Variants in GBF1 observed in about 807,000 individuals in gnomAD.
The protein encoded by GBF1 is golgi brefeldin A resistant guanine nucleotide exchange factor 1.
Under a neutral mutation model 210.5 loss-of-function variants are expected in GBF1, and 114 were observed. That is an observed-to-expected ratio of 0.54 (90% confidence interval 0.47 to 0.63). GBF1 has a LOEUF of 0.63. Ranked by LOEUF, GBF1 falls within the 30% of genes least tolerant of loss-of-function variation. The pLI is 0.00. For synonymous variants in GBF1, 850 were observed against 889.2 expected (o/e 0.96, Z 0.78); for missense variants, 1,851 against 2,357.7 (o/e 0.79, Z 4.45).
chr10:102,254,053 C>G (rs1338584152), intron 1 of GBF1, among the ~76,000 whole-genome samples: 1 of 152,074 alleles, frequency 6.6e-6, no homozygotes, highest in Non-Finnish European at 1.5e-5. Flanking sequence ...GATATTACTC[C>G]TTTATATTAG....
At chr10:102,302,550 A>G (rs2077478650) in intron 3 of GBF1, among the ~76,000 whole-genome samples, 1 of 152,246 alleles carries the variant, frequency 6.6e-6, no homozygotes, top group Non-Finnish European at 1.5e-5. Flanking sequence ...TCCTGAGATT[A>G]TCCTAAAATT....
intron 3 of GBF1, among the ~76,000 whole-genome samples, chr10:102,271,972 T>G (rs897395829): frequency 3.3e-5 from 5 of 151,922 alleles, no homozygotes; most frequent in African/African-American, 1.2e-4. Context: ...AGGCCTGTCT[T>G]GAACTCCTGA....
intron 3 of GBF1, among the ~76,000 whole-genome samples, chr10:102,341,032 T>G (rs1043477828): frequency 3.3e-5 from 5 of 152,180 alleles, no homozygotes; most frequent in Non-Finnish European, 5.9e-5. Flanking sequence ...AGCTTAAGAC[T>G]GGGAGAAAAT....
intron 3 of GBF1, among the ~76,000 whole-genome samples, chr10:102,312,261 C>T (rs1334920493): frequency 2.0e-5 from 3 of 151,494 alleles, no homozygotes; most frequent in Non-Finnish European, 4.4e-5. Context: ...CCATTGCACT[C>T]CAGCCTGGGC....
chr10:102,344,786 G>A (rs937052348), intron 4 of GBF1, among the ~76,000 whole-genome samples: 5 of 151,930 alleles, frequency 3.3e-5, no homozygotes, highest in African/African-American at 1.2e-4. Flanking sequence ...GGCCTGGTTA[G>A]GTTTATTTTT....
intron 3 of GBF1, among the ~76,000 whole-genome samples, chr10:102,285,563 A>G (rs1156997844): frequency 6.6e-6 from 1 of 152,070 alleles, no homozygotes; most frequent in African/African-American, 2.4e-5. Flanking sequence ...TTGAGTTCCT[A>G]AGTGTTCTCT....
intron 3 of GBF1, among the ~76,000 whole-genome samples, chr10:102,266,787 T>C (rs916155342): frequency 1.3e-5 from 2 of 152,240 alleles, no homozygotes; most frequent in Non-Finnish European, 1.5e-5. Flanking sequence ...ATAGGATATT[T>C]CTTTACAGAG....
chr10:102,246,566 T>G (rs964920371), intron 1 of GBF1, among the ~76,000 whole-genome samples: 2 of 152,234 alleles, frequency 1.3e-5, no homozygotes, highest in African/African-American at 4.8e-5. Flanking sequence ...CAGAGAGAGA[T>G]ATTTGAATAC....
chr10:102,258,774 C>CAAAAAAAAAAAA (rs74634439), intron 1 of GBF1, among the ~76,000 whole-genome samples, 155 bp from the exon 2 acceptor site: 7 of 79,606 alleles, frequency 8.8e-5, no homozygotes, highest in Admixed American at 1.2e-4. Flanking sequence ...AACTCTGCCT[C>CAAAAAAAAAAAA]AAAAAAAAAA....
chr10:102,231,763 G>A, the GBF1 span: 167 of 1,606,574 alleles, frequency 1.0e-4, 1 homozygote, highest in Non-Finnish European at 2.2e-5. Flanking sequence ...GGAGCCGCCG[G>A]GCAGCGAAGC....
intron 3 of GBF1, among the ~76,000 whole-genome samples, chr10:102,302,814 G>A (rs982064953): frequency 6.6e-6 from 1 of 152,066 alleles, no homozygotes; most frequent in Non-Finnish European, 1.5e-5. Context: ...ATCAAAGCCA[G>A]GAGGGATGCT....
chr10:102,352,661 G>A (rs970132727), intron 7 of GBF1, 143 bp downstream of exon 7: 5 of 663,870 alleles, frequency 7.5e-6, no homozygotes, highest in East Asian at 2.7e-5. Context: ...AGTTCTCTGG[G>A]CCCAGGGTTA....
chr10:102,259,422 T>C (rs2072900592), intron 2 of GBF1, among the ~76,000 whole-genome samples: 1 of 152,206 alleles, frequency 6.6e-6, no homozygotes, highest in African/African-American at 2.4e-5. Flanking sequence ...ATGGTACTCC[T>C]TCTTGGGGGT....
chr10:102,325,741 C>T (rs2056847915), intron 3 of GBF1, among the ~76,000 whole-genome samples: 1 of 151,884 alleles, frequency 6.6e-6, no homozygotes, highest in Admixed American at 6.6e-5. Context: ...CCTCCGCCTC[C>T]TGAGTTCAAG....
chr10:102,294,754 A>G (rs1351693918), intron 3 of GBF1, among the ~76,000 whole-genome samples: 1 of 152,132 alleles, frequency 6.6e-6, no homozygotes, highest in Non-Finnish European at 1.5e-5. Context: ...TTGTGTTAAA[A>G]TTGCTTACAG....
At chr10:102,294,766 G>T (rs2133733784) in intron 3 of GBF1, among the ~76,000 whole-genome samples, 1 of 152,230 alleles carries the variant, frequency 6.6e-6, no homozygotes, top group East Asian at 1.9e-4. Context: ...TGCTTACAGT[G>T]TATAGTATTC....
intron 3 of GBF1, among the ~76,000 whole-genome samples, chr10:102,341,736 G>T (rs1196768597): frequency 1.3e-5 from 2 of 152,106 alleles, no homozygotes; most frequent in Admixed American, 6.6e-5. Flanking sequence ...TTAAAGAAAA[G>T]AATTAATTTT....
intron 29 of GBF1, among the ~76,000 whole-genome samples, chr10:102,372,678 A>AT (rs1458080048): frequency 6.6e-6 from 1 of 152,232 alleles, no homozygotes; most frequent in Non-Finnish European, 1.5e-5. Flanking sequence ...TGGAGGAGGA[A>AT]TAGCCTTTTC....
chr10:102,309,160 G>A (rs993780296), intron 3 of GBF1, among the ~76,000 whole-genome samples: 3 of 152,150 alleles, frequency 2.0e-5, no homozygotes, highest in Non-Finnish European at 4.4e-5. Flanking sequence ...AGGAGAGAGG[G>A]CTTCAATTTG....
Sources: allele counts gnomAD v4.1 joint callset (sites outside exome capture counted in the v4.1 genomes callset), GRCh38; gene constraint gnomAD v4.1.1; transcripts MANE v1.5; gene names NCBI Gene and HGNC (gene_info 2026-07-23, HGNC 2026-07-21).